C10orf90: variants seen among roughly 807,000 people sequenced by gnomAD.
The protein encoded by C10orf90 is chromosome 10 open reading frame 90, also known as (E2-independent) E3 ubiquitin-conjugating enzyme FATS.
Under a neutral mutation model 62.5 loss-of-function variants are expected in C10orf90, and 56 were observed. The ratio of observed to expected loss-of-function variants is 0.90; its 90% CI spans 0.72 to 1.12. C10orf90 has a LOEUF of 1.12. C10orf90 is among the 50% of genes most tolerant of loss of function. The pLI is 0.00. For missense variants in C10orf90, 970 were observed against 880.4 expected (o/e 1.10, Z -1.29); for synonymous variants, 386 against 340.4 (o/e 1.13, Z -1.47).
rs116419137 is a variant in C10orf90, at chr10:126,465,084, G to T, written c.1535-98C>A. On this transcript the variant is annotated intron_variant, in intron 4 of 9. Transcript: ENST00000488181. ...TGGTGCTTTTCTCGGGACAGACTTG[G>T]GGGGGAGTACAGCACTGCAAGTTCA... is the stretch of plus-strand genomic sequence containing the variant. 361 of 1,312,812 alleles carry T rather than the reference G, an allele frequency of 2.7e-4. 2 individuals are homozygous for T. In the African/African-American group the frequency reaches 4.1e-3, roughly 15 times the overall value. 81.3% of individuals were successfully genotyped at this position (1,312,812 alleles called of 1,614,324 possible).
chr10:126,433,432 A>G (rs1239628416), intron 7 of C10orf90, among the ~76,000 whole-genome samples: 1 of 152,102 alleles, frequency 6.6e-6, no homozygotes, highest in African/African-American at 2.4e-5. Context: ...GTCATGAAGT[A>G]GAGAGAGACA....
chr10:126,532,671 A>C (rs1453280477), intron 2 of C10orf90, among the ~76,000 whole-genome samples: 1 of 150,776 alleles, frequency 6.6e-6, no homozygotes, highest in African/African-American at 2.4e-5. Context: ...CCCCGTCTCT[A>C]CTAAAAATAC....
At chr10:126,650,614 G>T (rs1380135029) in intron 1 of C10orf90, among the ~76,000 whole-genome samples, 1 of 152,176 alleles carries the variant, frequency 6.6e-6, no homozygotes, top group Non-Finnish European at 1.5e-5. Flanking sequence ...AGGGAATAGA[G>T]AACTATGATT....
chr10:126,579,297 G>A (rs1319689287), intron 2 of C10orf90, among the ~76,000 whole-genome samples: 1 of 146,160 alleles, frequency 6.8e-6, no homozygotes, highest in East Asian at 2.0e-4. Context: ...TTTTGAGACA[G>A]AGTCTCACTC....
intron 2 of C10orf90, among the ~76,000 whole-genome samples, chr10:126,634,872 C>T (rs1305058846): frequency 6.6e-6 from 1 of 152,226 alleles, no homozygotes; most frequent in Admixed American, 6.5e-5. Flanking sequence ...AAGGAAAGAA[C>T]AGTATCCTTT....
chr10:126,473,278 C>G (rs1256654899), intron 4 of C10orf90, among the ~76,000 whole-genome samples: 2 of 152,224 alleles, frequency 1.3e-5, no homozygotes, highest in African/African-American at 2.4e-5. Flanking sequence ...ACTGAGCCCT[C>G]AAGTCCCCAC....
rs544543754 is a variant in C10orf90, at chr10:126,525,675, GA to G, written c.314-11737del. 5.5e-3 allele frequency among the ~76,000 whole-genome samples: 834 copies of G among 152,220 alleles called. 11 individuals are homozygous for G. The highest frequency in any genetic ancestry group is 6.1e-3 in the Non-Finnish European group (415 of 67,994). On this transcript the variant is annotated intron_variant, in intron 2 of 9. Transcript: ENST00000488181. ...ATGGTCCGAGAGCCTAGCATCAAAG[GA>G]AAAACCCAGGCTCAAGATGTTCACA...
At chr10:126,426,632 G>A (rs762039043) in intron 8 of C10orf90, among the ~76,000 whole-genome samples, 1 of 152,170 alleles carries the variant, frequency 6.6e-6, no homozygotes, top group Non-Finnish European at 1.5e-5. Flanking sequence ...TAAGGGCCCA[G>A]GGGATCTTCC....
chr10:126,458,137 A>ATT (rs932313403), intron 7 of C10orf90, among the ~76,000 whole-genome samples: 1 of 151,936 alleles, frequency 6.6e-6, no homozygotes, highest in Non-Finnish European at 1.5e-5. Flanking sequence ...TTACAACACC[A>ATT]TTTTCCTCAG....
At position 126,453,267 on chromosome 10, in the gene C10orf90, T is replaced by C. The variant is rs1212190401; in HGVS notation, c.2188+5773A>G. Among the ~76,000 whole-genome samples the C allele has an allele frequency of 1.3e-5, 2 of 152,214 alleles. No homozygotes were observed. Among genetic ancestry groups the C allele is most frequent in the Non-Finnish European group, 2.9e-5 (2 of 68,042 alleles). On this transcript the variant is annotated intron_variant, in intron 7 of 9. Coordinates refer to ENST00000488181, the MANE Select transcript of C10orf90 (RefSeq NM_001350921.2). This position sits in a 1 kb window ranked among gnomAD's most constrained non-coding sequence, Gnocchi z 4.9. ...GCTGTGCTAGATGCAGCAGGGCCTC[T>C]CGCAGTGATTTGGTGTGGAGTATGC...
chr10:126,510,395 C>A (rs983125727), intron 3 of C10orf90, among the ~76,000 whole-genome samples: 5 of 152,118 alleles, frequency 3.3e-5, no homozygotes, highest in African/African-American at 1.2e-4. Flanking sequence ...TCTTTTACAC[C>A]AAATATCTTC....
At chr10:126,566,438 A>T (rs1391819670) in intron 2 of C10orf90, among the ~76,000 whole-genome samples, 1 of 152,182 alleles carries the variant, frequency 6.6e-6, no homozygotes, top group African/African-American at 2.4e-5. Flanking sequence ...ATCAAGAATT[A>T]CCGCCAGTTT....
At chr10:126,563,028 A>G (rs911646860) in intron 2 of C10orf90, among the ~76,000 whole-genome samples, 3 of 152,200 alleles carry the variant, frequency 2.0e-5, no homozygotes, top group African/African-American at 7.2e-5. Flanking sequence ...GACATCACAC[A>G]TGCACATGAT....
At chr10:126,575,118 A>T (rs927149269) in intron 2 of C10orf90, among the ~76,000 whole-genome samples, 2 of 152,082 alleles carry the variant, frequency 1.3e-5, no homozygotes. Context: ...GAACCTAAAA[A>T]CTATTAGAAT....
At chr10:126,431,663 A>C (rs1373315968) in intron 7 of C10orf90, among the ~76,000 whole-genome samples, 1 of 152,332 alleles carries the variant, frequency 6.6e-6, no homozygotes, top group Non-Finnish European at 1.5e-5. Flanking sequence ...ACTCAAGATT[A>C]GGGTGAGGCC....
At chr10:126,515,752 C>T (rs1344174792) in intron 2 of C10orf90, among the ~76,000 whole-genome samples, 1 of 152,144 alleles carries the variant, frequency 6.6e-6, no homozygotes, top group Non-Finnish European at 1.5e-5. Context: ...GCAAAAGGGT[C>T]AGGACATGGC....
chr10:126,521,526 C>T (rs1473175697), intron 2 of C10orf90: 50 of 1,299,052 alleles, frequency 3.8e-5, no homozygotes, highest in African/African-American at 6.0e-5. Context: ...TACAGGGCAA[C>T]CAGGGGAGGT....
chr10:126,552,756 G>A (rs1004517717), intron 2 of C10orf90, among the ~76,000 whole-genome samples: 1 of 152,240 alleles, frequency 6.6e-6, no homozygotes, highest in African/African-American at 2.4e-5. Flanking sequence ...AAGATCTTGA[G>A]CTCTTGCTGC....
intron 2 of C10orf90, among the ~76,000 whole-genome samples, chr10:126,591,481 C>G (rs1844977916): frequency 6.6e-6 from 1 of 152,062 alleles, no homozygotes; most frequent in African/African-American, 2.4e-5. Context: ...AAGAGGCCTT[C>G]AATAAAATTC....
Sources: gnomAD v4.1 joint callset for allele counts (sites outside exome capture counted in the v4.1 genomes callset) on GRCh38, gnomAD v4.1.1 for gene constraint, Gnocchi (gnomAD v3.1) non-coding constraint, MANE v1.5 for transcripts, NCBI Gene and HGNC (gene_info 2026-07-23, HGNC 2026-07-21) for gene names.